Variants in PRKCB observed in about 807,000 individuals in gnomAD.
The protein encoded by PRKCB is protein kinase C beta.
In PRKCB, 13 loss-of-function variants were observed where a neutral mutation model predicts 81.5. The ratio of observed to expected loss-of-function variants is 0.16; its 90% CI spans 0.10 to 0.25. The LOEUF (loss-of-function observed/expected upper bound fraction) is 0.25, where lower values mean the gene tolerates loss of function less well. PRKCB is among the 10% of genes least tolerant of loss of function. The probability of loss-of-function intolerance (pLI) is 1.00; values close to 1 mark genes in which losing one functional copy is unlikely to be tolerated. For synonymous variants in PRKCB, 335 were observed against 321.4 expected (o/e 1.04, Z -0.45); for missense variants, 509 against 875.7 (o/e 0.58, Z 5.29).
At chr16:24,158,638 GTGTA>G (rs1279544543) in intron 10 of PRKCB, among the ~76,000 whole-genome samples, 1 of 151,080 alleles carries the variant, frequency 6.6e-6, no homozygotes, top group Non-Finnish European at 1.5e-5. Flanking sequence ...GTGTGTGTAT[GTGTA>G]TGTGTGTGTA....
chr16:24,109,416 C>T (rs1400937424), intron 7 of PRKCB, among the ~76,000 whole-genome samples: 2 of 127,616 alleles, frequency 1.6e-5, no homozygotes, highest in South Asian at 2.6e-4. Context: ...AGATGCTCCT[C>T]ACCTCCCAGA....
chr16:24,199,441 T>C (rs1967924380), intron 16 of PRKCB, among the ~76,000 whole-genome samples: 1 of 152,178 alleles, frequency 6.6e-6, no homozygotes, highest in African/African-American at 2.4e-5. Context: ...TGCTGACATT[T>C]CTGAATTGAA....
intron 2 of PRKCB, among the ~76,000 whole-genome samples, chr16:23,957,063 A>G (rs947404677): frequency 1.3e-5 from 2 of 151,732 alleles, no homozygotes; most frequent in Non-Finnish European, 2.9e-5. Context: ...AGGGAAATCC[A>G]GAAGCCATAA....
At chr16:24,206,112 GA>G (rs1968041669) in intron 16 of PRKCB, among the ~76,000 whole-genome samples, 1 of 152,140 alleles carries the variant, frequency 6.6e-6, no homozygotes, top group Non-Finnish European at 1.5e-5. Flanking sequence ...AAACATAAGA[GA>G]TAAAAGATCC....
intron 7 of PRKCB, among the ~76,000 whole-genome samples, chr16:24,096,664 A>ATATATAT (rs1260873156): frequency 3.4e-3 from 286 of 84,658 alleles, no homozygotes; most frequent in Non-Finnish European, 4.4e-3. Context: ...AAAAAAAAAA[A>ATATATAT]AAATATATAT....
intron 9 of PRKCB, among the ~76,000 whole-genome samples, chr16:24,128,576 T>C (rs1966848601): frequency 6.6e-6 from 1 of 152,150 alleles, no homozygotes; most frequent in Admixed American, 6.5e-5. Flanking sequence ...CAGGCAGAAG[T>C]GTTTACCTGG....
chr16:24,214,879 A>G lies in PRKCB; in HGVS notation c.*63A>G, dbSNP rs1968200473. Reference sequence around the variant, plus strand: ...CAAGCTCAACGGCTATTGTGGTGACATTTTTATGTTTTTCATTGCCAAGTT... The same window carrying G: ...CAAGCTCAACGGCTATTGTGGTGACGTTTTTATGTTTTTCATTGCCAAGTT... On this transcript the variant is annotated 3_prime_UTR_variant, in exon 17 of 17. Transcript: ENST00000643927. The G allele has an allele frequency of 1.3e-6, 2 of 1,580,586 alleles. No homozygotes were observed. Among genetic ancestry groups the G allele is most frequent in the East Asian group, 4.5e-5 (2 of 44,534 alleles).
intron 8 of PRKCB, among the ~76,000 whole-genome samples, chr16:24,120,969 C>G (rs921087843): frequency 6.6e-6 from 1 of 152,166 alleles, no homozygotes; most frequent in Non-Finnish European, 1.5e-5. Flanking sequence ...GGGGTCTCCT[C>G]TCCACTCAGA....
intron 2 of PRKCB, among the ~76,000 whole-genome samples, chr16:23,840,352 A>T (rs1432417278): frequency 6.6e-6 from 1 of 152,164 alleles, no homozygotes; most frequent in Non-Finnish European, 1.5e-5. Flanking sequence ...CTGGGGAGTG[A>T]CAATTATCTC....
Position 24,112,953 on chromosome 16 carries a change from ACCC to A in PRKCB, c.822-17_822-15del. 6.4e-7 allele frequency: 1 copy of A among 1,551,986 alleles called. No homozygotes were observed. The highest frequency in any genetic ancestry group is 8.8e-7 in the Non-Finnish European group (1 of 1,133,742). ...CGAGTCGAGTCATGAAATGTGTCCC[ACCC>A]CCTTGTCTCCCTTCAGGTTTAAGTT... On this transcript the variant is annotated splice_polypyrimidine_tract_variant and intron_variant, in intron 7 of 16. Transcript: ENST00000643927.
Position 24,005,584 on chromosome 16 carries a change from G to A in PRKCB, c.288+16994G>A, listed in dbSNP as rs569935405. Among the ~76,000 whole-genome samples, 3 of 152,314 alleles carry A rather than the reference G, an allele frequency of 2.0e-5. No homozygotes were observed. The South Asian group carries it at 6.2e-4, about 32-fold the overall frequency. On this transcript the variant is annotated intron_variant, in intron 3 of 16. Transcript: ENST00000643927. ...TTACTCTTGAGGTCCTCCATCCGCTGGGAGTCAGCTCAGTTCCTGGACTGA... is the reference window on the plus strand; with the variant it reads ...TTACTCTTGAGGTCCTCCATCCGCTAGGAGTCAGCTCAGTTCCTGGACTGA...
At chr16:24,125,780 G>A (rs1352881973) in intron 9 of PRKCB, among the ~76,000 whole-genome samples, 1 of 152,178 alleles carries the variant, frequency 6.6e-6, no homozygotes, top group Non-Finnish European at 1.5e-5. Flanking sequence ...TGGGTGGCAA[G>A]GGCATCCACT....
intron 2 of PRKCB, among the ~76,000 whole-genome samples, chr16:23,970,530 C>CT (rs973155443): frequency 2.6e-5 from 4 of 152,318 alleles, no homozygotes; most frequent in African/African-American, 9.6e-5. Flanking sequence ...CAAACCCTCA[C>CT]TTTTTTTACT....
intron 2 of PRKCB, among the ~76,000 whole-genome samples, chr16:23,837,833 G>A (rs531587932): frequency 6.6e-6 from 1 of 152,192 alleles, no homozygotes; most frequent in Non-Finnish European, 1.5e-5. Flanking sequence ...GTCTCTGCAG[G>A]TGGCTGCCGC....
At chr16:24,189,704 C>T (rs1045827477) in intron 15 of PRKCB, among the ~76,000 whole-genome samples, 1 of 151,844 alleles carries the variant, frequency 6.6e-6, no homozygotes, top group African/African-American at 2.4e-5. Context: ...TTAATTTCCC[C>T]ACCCTGGAGG....
intron 2 of PRKCB, among the ~76,000 whole-genome samples, chr16:23,984,335 A>G (rs1297062041): frequency 6.6e-6 from 1 of 152,228 alleles, no homozygotes; most frequent in African/African-American, 2.4e-5. Flanking sequence ...AAACTGAAGT[A>G]CAGGAAGATG....
intron 10 of PRKCB, among the ~76,000 whole-genome samples, chr16:24,165,883 CTT>C (rs71154285): frequency 1.2e-4 from 11 of 93,996 alleles, no homozygotes; most frequent in East Asian, 9.5e-4. Context: ...TTCTTTCTTT[CTT>C]TTTTTTTTTT....
At chr16:24,151,362 A>G (rs1596570654) in intron 9 of PRKCB, among the ~76,000 whole-genome samples, 1 of 152,252 alleles carries the variant, frequency 6.6e-6, no homozygotes, top group Non-Finnish European at 1.5e-5. Flanking sequence ...CTGGCTTGCC[A>G]TTAATAGTGG....
At chr16:24,033,773 G>A (rs1409758651) in intron 4 of PRKCB, among the ~76,000 whole-genome samples, 1 of 152,038 alleles carries the variant, frequency 6.6e-6, no homozygotes, top group African/African-American at 2.4e-5. Context: ...AGAAGAAGAA[G>A]AAAAGATAAA....
Sources: allele counts gnomAD v4.1 joint callset (sites outside exome capture counted in the v4.1 genomes callset), GRCh38; gene constraint gnomAD v4.1.1; transcripts MANE v1.5; gene names NCBI Gene and HGNC (gene_info 2026-07-23, HGNC 2026-07-21).